MYRFL: variants seen among roughly 807,000 people sequenced by gnomAD.
MYRFL encodes myelin regulatory factor like.
Under a neutral mutation model 109.4 loss-of-function variants are expected in MYRFL, and 88 were observed. That is an observed-to-expected ratio of 0.80 (90% CI 0.68 to 0.96). The LOEUF (loss-of-function observed/expected upper bound fraction) is 0.96. Ranked by LOEUF, MYRFL falls within the 40% of genes least tolerant of loss-of-function variation. MYRFL has a pLI of 0.00. For synonymous variants in MYRFL, 324 were observed against 320.9 expected (o/e 1.01, Z -0.10); for missense variants, 957 against 954.9 (o/e 1.00, Z -0.03).
intron 1 of MYRFL, among the ~76,000 whole-genome samples, chr12:69,847,127 G>T (rs1333836434): frequency 6.6e-6 from 1 of 152,114 alleles, no homozygotes; most frequent in Non-Finnish European, 1.5e-5. Context: ...TGTCTGGTGG[G>T]GTGGGAGGTT....
intron 13 of MYRFL, among the ~76,000 whole-genome samples, chr12:69,920,899 G>A (rs552272559): frequency 4.9e-4 from 74 of 152,280 alleles, no homozygotes; most frequent in African/African-American, 1.6e-3. Context: ...CTGTCCATAT[G>A]TACCCTAACT....
intron 2 of MYRFL, among the ~76,000 whole-genome samples, chr12:69,860,437 G>A (rs971342943): frequency 6.6e-6 from 1 of 151,754 alleles, no homozygotes; most frequent in African/African-American, 2.4e-5. Context: ...TATATCTTTT[G>A]CCATCCTTTA....
intron 7 of MYRFL, among the ~76,000 whole-genome samples, chr12:69,891,637 T>TTTCTTTCTTTCTTTCTTTCTTTCTTTTC (rs1566002318): frequency 1.9e-5 from 1 of 53,788 alleles, no homozygotes; most frequent in Non-Finnish European, 4.1e-5. Context: ...CTTCCTTTCT[T>TTTCTTTCTTTCTTTCTTTCTTTCTTTTC]TTTCTTTCTT....
chr12:69,830,781 G>GA lies in MYRFL; in HGVS notation c.46+5219dup, dbSNP rs1465126748. 5.3e-5 allele frequency among the ~76,000 whole-genome samples: 8 copies of GA among 152,070 alleles called. No homozygotes were observed. In the East Asian group the frequency reaches 1.3e-3, roughly 26 times the overall value. On this transcript the variant is annotated intron_variant, in intron 1 of 24. Coordinates refer to ENST00000552032, the MANE Select transcript of MYRFL (RefSeq NM_182530.3). The stretch of plus-strand genomic sequence containing the variant: ...AGTGTGCCGTAAGGAGATTAGAGCT[G>GA]ACCTTTGTCACCTGCCCACGCTACC...
At chr12:69,922,593 C>A (rs1954949159) in intron 13 of MYRFL, among the ~76,000 whole-genome samples, 3 of 152,118 alleles carry the variant, frequency 2.0e-5, no homozygotes, top group Non-Finnish European at 4.4e-5. Context: ...CCCTCTTCCA[C>A]CAACTAGATT....
intron 11 of MYRFL, among the ~76,000 whole-genome samples, chr12:69,907,363 A>T (rs757628891): frequency 1.2e-4 from 19 of 152,286 alleles, no homozygotes; most frequent in East Asian, 3.9e-4. Context: ...CAGTTTAGAA[A>T]CCAGGGACCA....
chr12:69,922,586 T>TGGTGATTTAAATA (rs1954948778), intron 13 of MYRFL, among the ~76,000 whole-genome samples: 3 of 152,180 alleles, frequency 2.0e-5, no homozygotes, highest in Non-Finnish European at 4.4e-5. Context: ...CCAGCGACCC[T>TGGTGATTTAAATA]CTTCCACCAA....
intron 19 of MYRFL, among the ~76,000 whole-genome samples, chr12:69,951,742 C>G (rs556016422): frequency 3.9e-5 from 6 of 152,286 alleles, no homozygotes; most frequent in Non-Finnish European, 8.8e-5. Context: ...ATCTTCTGCT[C>G]TTACACGGAC....
intron 10 of MYRFL, among the ~76,000 whole-genome samples, chr12:69,901,901 T>A (rs4761272): frequency 0.21 from 29,919 of 145,078 alleles, 3,537 homozygotes; most frequent in South Asian, 0.3. Context: ...TTGTTTTTTT[T>A]AAATTTTCTT....
Position 69,932,493 on chromosome 12 carries a change from A to C in MYRFL, c.1831-20A>C. The C allele has an allele frequency of 6.6e-7, 1 of 1,511,932 alleles. No individual in the cohort carries two copies. The highest frequency in any genetic ancestry group is 8.9e-7 in the Non-Finnish European group (1 of 1,124,908). 93.7% of individuals were successfully genotyped at this position (1,511,932 alleles called of 1,614,324 possible). ...TAGAGTTGCTAATTTATCACTGCTCATTACTGAACCTTTTTATAGGTTTAT... is the reference window on the plus strand; with the variant it reads ...TAGAGTTGCTAATTTATCACTGCTCCTTACTGAACCTTTTTATAGGTTTAT... On this transcript the variant is annotated intron_variant, in intron 15 of 24. Transcript: ENST00000552032.
chr12:69,899,833 C>T (rs1170111234), intron 10 of MYRFL, among the ~76,000 whole-genome samples: 1 of 152,070 alleles, frequency 6.6e-6, no homozygotes, highest in South Asian at 2.1e-4. Context: ...ATATTATGGT[C>T]CTGTAGTATA....
At chr12:69,947,995 C>T (rs542093454) in intron 19 of MYRFL, among the ~76,000 whole-genome samples, 1 of 152,248 alleles carries the variant, frequency 6.6e-6, no homozygotes, top group Non-Finnish European at 1.5e-5. Context: ...GTTGGGAGAG[C>T]TCATCTACCA....
In MYRFL at chr12:69,932,608, AG is replaced by A; in HGVS notation, c.1916+11del. The A allele has an allele frequency of 1.3e-6, 2 of 1,529,728 alleles. No individual in the cohort carries two copies. Among genetic ancestry groups the A allele is most frequent in the South Asian group, 1.2e-5 (1 of 83,930 alleles). 94.8% of individuals were successfully genotyped at this position (1,529,728 alleles called of 1,614,324 possible). A position where few individuals can be genotyped will look rare whatever the true frequency, so the allele number is the denominator to read the frequency against. On this transcript the variant is annotated intron_variant, in intron 16 of 24. Coordinates refer to ENST00000552032, the MANE Select transcript of MYRFL (RefSeq NM_182530.3). ...CTGTGATGGCATTTTGGTAAGAAAAAGTTCACTGTTATGCCATGTCAAGCTC... is the reference window on the plus strand; with the variant it reads ...CTGTGATGGCATTTTGGTAAGAAAAATTCACTGTTATGCCATGTCAAGCTC...
At chr12:69,895,297 G>T in intron 8 of MYRFL, 74 bp from the exon 9 acceptor site, 1 of 1,105,572 alleles carries the variant, frequency 9.0e-7, no homozygotes, top group Non-Finnish European at 1.3e-6. Context: ...GAGTCTGAAA[G>T]TGGATTAGAT....
At chr12:69,908,286 G>T (rs768160593) in intron 11 of MYRFL, among the ~76,000 whole-genome samples, 1 of 152,216 alleles carries the variant, frequency 6.6e-6, no homozygotes, top group Non-Finnish European at 1.5e-5. Flanking sequence ...AGAAGACAAA[G>T]AATGAAGTTG....
intron 13 of MYRFL, among the ~76,000 whole-genome samples, chr12:69,925,517 C>T (rs1288254168): frequency 6.6e-6 from 1 of 151,996 alleles, no homozygotes; most frequent in African/African-American, 2.4e-5. Context: ...GGACCAGCCT[C>T]TCTGCAATTC....
At chr12:69,891,715 T>TTCTTTCTTTCTTTCTTTCTTTCG (rs1886921846) in intron 7 of MYRFL, among the ~76,000 whole-genome samples, 1 of 146,002 alleles carries the variant, frequency 6.8e-6, no homozygotes, top group African/African-American at 2.5e-5. Flanking sequence ...CTTTTTTTCT[T>TTCTTTCTTTCTTTCTTTCTTTCG]TGAGACATGG....
At chr12:69,897,094 G>C in intron 9 of MYRFL, 62 bp from the exon 10 acceptor site, 1 of 1,135,836 alleles carries the variant, frequency 8.8e-7, no homozygotes, top group Non-Finnish European at 1.3e-6. Context: ...GGTGGTATTT[G>C]TTTGTACAAA....
At chr12:69,933,124 C>T (rs1048872910) in intron 16 of MYRFL, among the ~76,000 whole-genome samples, 15 of 152,152 alleles carry the variant, frequency 9.9e-5, no homozygotes. Context: ...ATCTACTAAG[C>T]AGTTAAACCA....
Sources: allele counts gnomAD v4.1 joint callset (sites outside exome capture counted in the v4.1 genomes callset), GRCh38; gene constraint gnomAD v4.1.1; transcripts MANE v1.5; gene names NCBI Gene and HGNC (gene_info 2026-07-23, HGNC 2026-07-21).